The following INPP5A variants were observed in gnomAD, a reference collection of about 807,000 sequenced individuals.
INPP5A encodes 43 kDa inositol polyphosphate 5-phophatase.
A neutral mutation model predicts 65.2 loss-of-function variants in INPP5A; 14 were observed. The ratio of observed to expected loss-of-function variants is 0.21; its 90% CI spans 0.14 to 0.34. INPP5A has a LOEUF of 0.34. INPP5A is among the 10% of genes least tolerant of loss of function. The pLI, the probability that INPP5A is intolerant of heterozygous loss-of-function variation, is 1.00. For missense variants in INPP5A, 431 were observed against 545.6 expected (o/e 0.79, Z 2.09); for synonymous variants, 207 against 208.3 (o/e 0.99, Z 0.05).
chr10:132,547,102 G>C lies in INPP5A; in HGVS notation c.75+8931G>C, dbSNP rs971449246. Among the ~76,000 whole-genome samples, 1 of 152,244 alleles carries C rather than the reference G, an allele frequency of 6.6e-6. No individual in the cohort carries two copies. The highest frequency in any genetic ancestry group is 1.9e-4 in the East Asian group (1 of 5,192). On this transcript the variant is annotated intron_variant, in intron 1 of 15. Coordinates refer to ENST00000368594, the MANE Select transcript of INPP5A (RefSeq NM_005539.5). The surrounding 1 kb of genome is among the most constrained non-coding windows in gnomAD (Gnocchi z 5.5). Reference sequence around the variant, plus strand: ...AGAGGAAATCCCGCCTTCAGTGCCAGGTGCCAGGCCACAGTCCAGGTTCAC... The same window carrying C: ...AGAGGAAATCCCGCCTTCAGTGCCACGTGCCAGGCCACAGTCCAGGTTCAC...
intron 1 of INPP5A, among the ~76,000 whole-genome samples, chr10:132,598,261 T>C (rs1303495639): frequency 6.6e-6 from 1 of 152,206 alleles, no homozygotes; most frequent in African/African-American, 2.4e-5. Context: ...TATAAAATTT[T>C]CCATCTTAAC....
intron 4 of INPP5A, among the ~76,000 whole-genome samples, chr10:132,689,690 T>C (rs1333231262): frequency 6.6e-6 from 1 of 152,250 alleles, no homozygotes; most frequent in Non-Finnish European, 1.5e-5. Flanking sequence ...GGTTCATCTG[T>C]AGAAAATACC....
At chr10:132,719,467 A>T (rs1335210788) in intron 8 of INPP5A, among the ~76,000 whole-genome samples, 1 of 145,922 alleles carries the variant, frequency 6.9e-6, no homozygotes, top group South Asian at 2.1e-4. Context: ...TGGGCACCTT[A>T]GACGGCTGTC....
At position 132,587,506 on chromosome 10, in the gene INPP5A, G is replaced by T. The variant is rs1321856971; in HGVS notation, c.76-20409G>T. Among the ~76,000 whole-genome samples the T allele has an allele frequency of 4.6e-5, 7 of 152,146 alleles. No homozygotes were observed. The highest frequency in any genetic ancestry group is 1.4e-4 in the African/African-American group (6 of 41,408). On this transcript the variant is annotated intron_variant, in intron 1 of 15. Coordinates refer to ENST00000368594, the MANE Select transcript of INPP5A (RefSeq NM_005539.5). The surrounding 1 kb of genome is among the most constrained non-coding windows in gnomAD (Gnocchi z 4.3). ...TACCAGACGGAACCTTTGTCCACAG[G>T]GTCCCTGTAACCAGAGCTGTTGGGA...
At chr10:132,777,856 G>A in intron 13 of INPP5A, 74 bp downstream of exon 13, 2 of 1,569,170 alleles carry the variant, frequency 1.3e-6, no homozygotes, top group Non-Finnish European at 8.6e-7. Flanking sequence ...CAGCCCTGGT[G>A]ACAGGGCCCC....
chr10:132,781,000 C>T, intron 14 of INPP5A, 83 bp downstream of exon 14: 6 of 252,352 alleles, frequency 2.4e-5, no homozygotes, highest in East Asian at 9.9e-5. Flanking sequence ...AGTGGGTGGG[C>T]GGGTGCTGGG....
chr10:132,670,538 CAGG>C (rs568490098), intron 4 of INPP5A, among the ~76,000 whole-genome samples: 155 of 149,962 alleles, frequency 1.0e-3, no homozygotes, highest in African/African-American at 3.6e-3. Context: ...GGCCCAGAAG[CAGG>C]AGGACACTGT....
intron 9 of INPP5A, among the ~76,000 whole-genome samples, chr10:132,730,214 G>T (rs544315961): frequency 2.0e-5 from 3 of 152,322 alleles, no homozygotes; most frequent in African/African-American, 7.2e-5. Flanking sequence ...CCACCTCCTG[G>T]TCTTCCCTCA....
At chr10:132,761,512 G>A (rs868178428) in intron 11 of INPP5A, among the ~76,000 whole-genome samples, 3 of 151,688 alleles carry the variant, frequency 2.0e-5, no homozygotes, top group East Asian at 1.9e-4. Flanking sequence ...CAGCACCTGT[G>A]GGGGAGGAGC....
chr10:132,686,011 G>A (rs908213938), intron 4 of INPP5A, among the ~76,000 whole-genome samples: 10 of 152,228 alleles, frequency 6.6e-5, no homozygotes, highest in Non-Finnish European at 5.9e-5. Flanking sequence ...CGCAGGGTTC[G>A]TTGCGCCCTG....
chr10:132,591,013 C>T (rs1161773941), intron 1 of INPP5A, among the ~76,000 whole-genome samples: 1 of 152,216 alleles, frequency 6.6e-6, no homozygotes, highest in Admixed American at 6.5e-5. Context: ...AAGGTGGCAT[C>T]GCCCCACTCC....
chr10:132,607,044 G>A (rs974684527), intron 1 of INPP5A, among the ~76,000 whole-genome samples: 3 of 152,240 alleles, frequency 2.0e-5, no homozygotes, highest in Admixed American at 1.3e-4. Context: ...GGCGGCTTGT[G>A]CTGAGTGCTC....
chr10:132,727,414 C>T lies in INPP5A; in HGVS notation c.732+509C>T, dbSNP rs900548242. On this transcript the variant is annotated intron_variant, in intron 9 of 15. Coordinates refer to ENST00000368594, the MANE Select transcript of INPP5A (RefSeq NM_005539.5). This position sits in a 1 kb window ranked among gnomAD's most constrained non-coding sequence, Gnocchi z 6.5. ...GGGAACTCAGGGGTCCCGGGTGCTC[C>T]TGGGTGTGGGAACTCAGGGGTCCAG... 6.6e-6 allele frequency: 1 copy of T among 152,364 alleles called. No individual in the cohort carries two copies. The highest frequency in any genetic ancestry group is 2.4e-5 in the African/African-American group (1 of 41,432). 9.4% of individuals were successfully genotyped at this position (152,364 alleles called of 1,614,324 possible). A position where few individuals can be genotyped will look rare whatever the true frequency, so the allele number is the denominator to read the frequency against.
intron 9 of INPP5A, among the ~76,000 whole-genome samples, chr10:132,729,687 A>G (rs1302996242): frequency 6.6e-6 from 1 of 152,208 alleles, no homozygotes; most frequent in Non-Finnish European, 1.5e-5. Flanking sequence ...GGGTCCACGC[A>G]GAGGGCCAGT....
At chr10:132,607,350 G>C (rs1487138526) in intron 1 of INPP5A, among the ~76,000 whole-genome samples, 2 of 152,236 alleles carry the variant, frequency 1.3e-5, no homozygotes, top group Admixed American at 1.3e-4. Context: ...TAGGTTTTCT[G>C]TTGATGGCTC....
At chr10:132,596,931 GCACGCA>G (rs2071704601) in intron 1 of INPP5A, among the ~76,000 whole-genome samples, 1 of 47,168 alleles carries the variant, frequency 2.1e-5, no homozygotes, top group Non-Finnish European at 6.0e-5. Context: ...GCGCGCATGT[GCACGCA>G]TGTGTGCGTG....
intron 1 of INPP5A, among the ~76,000 whole-genome samples, 193 bp from the exon 2 acceptor site, chr10:132,607,722 G>A (rs955466526): frequency 1.3e-5 from 2 of 152,232 alleles, no homozygotes; most frequent in African/African-American, 2.4e-5. Flanking sequence ...AGCACAGAGC[G>A]GAGCCCCCAC....
intron 4 of INPP5A, among the ~76,000 whole-genome samples, chr10:132,685,986 T>A (rs1394921956): frequency 6.6e-6 from 1 of 152,250 alleles, no homozygotes; most frequent in African/African-American, 2.4e-5. Flanking sequence ...TGAGAGGCAC[T>A]GAGCCCCCAT....
intron 11 of INPP5A, among the ~76,000 whole-genome samples, chr10:132,757,209 ACT>A (rs1215971042): frequency 6.6e-6 from 1 of 152,142 alleles, no homozygotes; most frequent in Non-Finnish European, 1.5e-5. Context: ...ACATTCTGTT[ACT>A]CTCAGCGCTG....
Sources: allele counts gnomAD v4.1 joint callset (sites outside exome capture counted in the v4.1 genomes callset), GRCh38; gene constraint gnomAD v4.1.1; non-coding constraint Gnocchi (gnomAD v3.1); transcripts MANE v1.5; gene names NCBI Gene and HGNC (gene_info 2026-07-23, HGNC 2026-07-21).